TENM3: variants seen among roughly 807,000 people sequenced by gnomAD.
TENM3 encodes the protein teneurin transmembrane protein 3.
Under a neutral mutation model 255.1 loss-of-function variants are expected in TENM3, and 63 were observed. The ratio of observed to expected loss-of-function variants is 0.25; its 90% CI spans 0.20 to 0.30. TENM3 has a LOEUF of 0.30. TENM3 is among the 10% of genes least tolerant of loss of function. The pLI, the probability that TENM3 is intolerant of heterozygous loss-of-function variation, is 1.00. For missense variants in TENM3, 2,929 were observed against 3,461.1 expected (o/e 0.85, Z 3.86); for synonymous variants, 1,306 against 1,322.3 (o/e 0.99, Z 0.27).
At chr4:181,812,922 G>T in the TENM3 span, among the ~76,000 whole-genome samples, 1 of 152,154 alleles carries the variant, frequency 6.6e-6, no homozygotes, top group Non-Finnish European at 1.5e-5. Flanking sequence ...ACCTGAGTTG[G>T]GGGGAATAGC....
At chr4:182,201,053 G>A (rs551721221) in intron 1 of TENM3, among the ~76,000 whole-genome samples, 1 of 152,142 alleles carries the variant, frequency 6.6e-6, no homozygotes, top group African/African-American at 2.4e-5. Flanking sequence ...TCGAACTCCT[G>A]ACCTCAGGTG....
At chr4:181,616,847 C>T in the TENM3 span, among the ~76,000 whole-genome samples, 1 of 152,186 alleles carries the variant, frequency 6.6e-6, no homozygotes, top group East Asian at 1.9e-4. Context: ...ATGGTGCCCA[C>T]CCACAGAGTT....
At chr4:182,479,039 A>G (rs1396590737) in intron 3 of TENM3, among the ~76,000 whole-genome samples, 2 of 151,908 alleles carry the variant, frequency 1.3e-5, no homozygotes, top group Non-Finnish European at 2.9e-5. Flanking sequence ...ATGTTTTTCA[A>G]TTTTTTGAAA....
intron 1 of TENM3, among the ~76,000 whole-genome samples, chr4:182,233,166 C>T (rs1756685465): frequency 6.6e-6 from 1 of 152,146 alleles, no homozygotes; most frequent in African/African-American, 2.4e-5. Context: ...CCGTGCTCAG[C>T]CAAACAGGAG....
At chr4:182,564,945 T>G (rs1477097455) in intron 3 of TENM3, among the ~76,000 whole-genome samples, 2 of 152,246 alleles carry the variant, frequency 1.3e-5, no homozygotes, top group Non-Finnish European at 2.9e-5. Context: ...ATAAATATCT[T>G]AAATGAATAT....
the TENM3 span, among the ~76,000 whole-genome samples, chr4:182,103,927 G>A: frequency 2.6e-5 from 4 of 152,176 alleles, no homozygotes; most frequent in Admixed American, 6.5e-5. Flanking sequence ...TGTATTTGCA[G>A]ATATTGCACT....
At chr4:181,555,614 G>A in the TENM3 span, among the ~76,000 whole-genome samples, 2 of 152,126 alleles carry the variant, frequency 1.3e-5, no homozygotes, top group Non-Finnish European at 2.9e-5. Flanking sequence ...TATCCTTAAT[G>A]CCTCAATTAC....
At chr4:182,296,407 G>T (rs1222494684) in intron 1 of TENM3, among the ~76,000 whole-genome samples, 1 of 152,036 alleles carries the variant, frequency 6.6e-6, no homozygotes, top group African/African-American at 2.4e-5. Context: ...CTTTTCAATT[G>T]TACTTGAAGG....
chr4:182,459,913 TA>T (rs1774203725), intron 3 of TENM3, among the ~76,000 whole-genome samples: 1 of 152,180 alleles, frequency 6.6e-6, no homozygotes, highest in East Asian at 1.9e-4. Flanking sequence ...ATATATTTAT[TA>T]AAAAAGTTGA....
At chr4:181,946,206 A>G in the TENM3 span, among the ~76,000 whole-genome samples, 2,174 of 152,298 alleles carry the variant, frequency 0.014, 56 homozygotes, top group African/African-American at 0.049. Flanking sequence ...TAAATGACCA[A>G]GCCACAAGTG....
chr4:182,324,310 G>A, intron 2 of TENM3, 58 bp downstream of exon 2: 2 of 1,294,642 alleles, frequency 1.5e-6, no homozygotes, highest in Non-Finnish European at 2.2e-6. Context: ...TGTAGGTGTC[G>A]TGATTTTCCC....
the TENM3 span, among the ~76,000 whole-genome samples, chr4:181,586,968 A>G: frequency 6.6e-6 from 1 of 152,168 alleles, no homozygotes; most frequent in Non-Finnish European, 1.5e-5. Flanking sequence ...ATAACACGTT[A>G]ATCAGCTCAA....
chr4:181,863,315 T>G, the TENM3 span, among the ~76,000 whole-genome samples: 2 of 152,160 alleles, frequency 1.3e-5, no homozygotes, highest in East Asian at 1.9e-4. Context: ...ACAATGACTC[T>G]GCTACTCTCA....
chr4:182,054,718 G>T, the TENM3 span, among the ~76,000 whole-genome samples: 2 of 152,034 alleles, frequency 1.3e-5, no homozygotes, highest in Non-Finnish European at 1.5e-5. Flanking sequence ...CATGTGATGT[G>T]ATCATTATGC....
the TENM3 span, among the ~76,000 whole-genome samples, chr4:181,641,805 CATATATATATAT>C: frequency 6.9e-3 from 216 of 31,440 alleles, 2 homozygotes; most frequent in Non-Finnish European, 8.9e-3. Context: ...ACACACACAC[CATATATATATAT>C]ATATATATAT....
At chr4:182,515,829 T>G (rs1737878844) in intron 3 of TENM3, among the ~76,000 whole-genome samples, 1 of 152,232 alleles carries the variant, frequency 6.6e-6, no homozygotes. Flanking sequence ...CTAATACCCA[T>G]TTAAAAGGTT....
chr4:181,667,780 G>T, the TENM3 span, among the ~76,000 whole-genome samples: 8,481 of 152,174 alleles, frequency 0.056, 334 homozygotes, highest in Middle Eastern at 0.15. Flanking sequence ...CACAGAATGG[G>T]CTAAGACACT....
At chr4:181,734,635 A>T in the TENM3 span, among the ~76,000 whole-genome samples, 2 of 152,180 alleles carry the variant, frequency 1.3e-5, no homozygotes, top group South Asian at 4.1e-4. Flanking sequence ...GCTAAATATG[A>T]TCAAGATTTT....
At position 182,708,633 on chromosome 4, in the gene TENM3, A is replaced by G. The variant is rs143547804; in HGVS notation, c.2222-5454A>G. 0.011 allele frequency among the ~76,000 whole-genome samples: 1,741 copies of G among 152,156 alleles called. 78 individuals are homozygous for G. In the East Asian group the frequency reaches 0.14, roughly 12 times the overall value. On this transcript the variant is annotated intron_variant, in intron 12 of 27. Transcript: ENST00000511685. ...GCTAACACGGTGAAACCCCACCTCT[A>G]CTAAAAATACAAAAATTAGCCAGGT...
Sources: allele counts gnomAD v4.1 joint callset (sites outside exome capture counted in the v4.1 genomes callset), GRCh38; gene constraint gnomAD v4.1.1; transcripts MANE v1.5; gene names NCBI Gene and HGNC (gene_info 2026-07-23, HGNC 2026-07-21).